Variants in GARIN5B observed in about 807,000 individuals in gnomAD.
GARIN5B encodes the protein golgi associated RAB2 interactor family member 5B, also known as Golgi-associated RAB2 interactor protein 5B.
the GARIN5B span, among the ~76,000 whole-genome samples, chr19:55,361,601 TCCAGG>T: frequency 8.5e-4 from 101 of 119,202 alleles, 2 homozygotes; most frequent in African/African-American, 3.1e-3. Flanking sequence ...GACCCAGGAG[TCCAGG>T]CCCCCAGTCC....
the GARIN5B span, chr19:55,363,165 G>A: frequency 3.3e-5 from 42 of 1,265,142 alleles, no homozygotes; most frequent in African/African-American, 2.2e-4. The surrounding 1 kb of genome is among the most constrained non-coding windows in gnomAD (Gnocchi z 4.0). Context: ...GGGCTTCACG[G>A]GTGCCTGGAG....
At chr19:55,355,450 C>T in the GARIN5B span, 2 of 1,207,138 alleles carry the variant, frequency 1.7e-6, no homozygotes, top group Non-Finnish European at 2.4e-6. Context: ...GAGAGCGTCC[C>T]CCAGGGCGGG....
the GARIN5B span, chr19:55,361,459 G>A: frequency 1.4e-6 from 2 of 1,472,126 alleles, no homozygotes; most frequent in South Asian, 2.8e-5. Context: ...GGAGGCAGGA[G>A]GGGCCCGGGC....
the GARIN5B span, chr19:55,362,760 G>A: frequency 6.6e-7 from 1 of 1,514,000 alleles, no homozygotes; most frequent in Non-Finnish European, 8.9e-7. Context: ...AGGGGGCTGG[G>A]ACCACTCCTT....
chr19:55,359,703 C>T, the GARIN5B span: 1 of 1,551,478 alleles, frequency 6.4e-7, no homozygotes, highest in Non-Finnish European at 8.7e-7. Context: ...TGGTGGGAGC[C>T]CATAGGCCCG....
chr19:55,358,831 G>A, the GARIN5B span: 19 of 1,546,550 alleles, frequency 1.2e-5, no homozygotes, highest in African/African-American at 9.6e-5. Context: ...GGCCCTCGAC[G>A]GCCAGTTCCT....
At chr19:55,357,619 T>G in the GARIN5B span, among the ~76,000 whole-genome samples, 1 of 152,214 alleles carries the variant, frequency 6.6e-6, no homozygotes, top group Admixed American at 6.5e-5. Context: ...TCCTGTGCAC[T>G]GTAGGTTGCT....
the GARIN5B span, among the ~76,000 whole-genome samples, chr19:55,355,862 T>A: frequency 4.6e-5 from 7 of 151,738 alleles, no homozygotes; most frequent in Admixed American, 3.3e-4. Flanking sequence ...GGTGCGTGCC[T>A]GTGGTTCCAG....
chr19:55,359,482 G>C, the GARIN5B span: 3 of 1,547,934 alleles, frequency 1.9e-6, no homozygotes, highest in African/African-American at 4.1e-5. Flanking sequence ...GTACGGCTGG[G>C]GCCTTCTGGG....
the GARIN5B span, chr19:55,361,051 A>G: frequency 1.3e-6 from 2 of 1,551,004 alleles, no homozygotes; most frequent in South Asian, 2.4e-5. Flanking sequence ...CTGCGACCAG[A>G]TGAGGGGCAC....
chr19:55,360,950 G>A, the GARIN5B span: 1 of 1,545,664 alleles, frequency 6.5e-7, no homozygotes, highest in Non-Finnish European at 8.8e-7. Flanking sequence ...CTGGGCTGGG[G>A]TCTCCCACCT....
At chr19:55,359,386 G>A in the GARIN5B span, 39 of 1,549,488 alleles carry the variant, frequency 2.5e-5, no homozygotes, top group South Asian at 6.0e-5. Context: ...GGGCAGGTAC[G>A]GCTGAGGCCT....
chr19:55,358,624 C>A, the GARIN5B span: 2 of 1,551,392 alleles, frequency 1.3e-6, no homozygotes, highest in Non-Finnish European at 1.7e-6. Flanking sequence ...GCTTCCCCTC[C>A]AGTAAGGACA....
At chr19:55,356,247 A>G in the GARIN5B span, among the ~76,000 whole-genome samples, 1 of 151,818 alleles carries the variant, frequency 6.6e-6, no homozygotes, top group Non-Finnish European at 1.5e-5. Context: ...GTGTCACTCT[A>G]TTGCCCAGGC....
At chr19:55,358,469 G>A in the GARIN5B span, 6 of 1,533,590 alleles carry the variant, frequency 3.9e-6, no homozygotes, top group Admixed American at 1.2e-4. Flanking sequence ...GGTGGGCTTG[G>A]AGCGAAAGGG....
At chr19:55,359,727 C>T in the GARIN5B span, 2 of 1,551,228 alleles carry the variant, frequency 1.3e-6, no homozygotes, top group East Asian at 4.9e-5. Flanking sequence ...TTTTCCCTGC[C>T]CCTGGGGATG....
At chr19:55,356,257 C>A in the GARIN5B span, among the ~76,000 whole-genome samples, 2 of 152,198 alleles carry the variant, frequency 1.3e-5, no homozygotes, top group Admixed American at 1.3e-4. Flanking sequence ...ATTGCCCAGG[C>A]TGCAGTGCAG....
At chr19:55,362,378 A>T in the GARIN5B span, 2 of 1,550,454 alleles carry the variant, frequency 1.3e-6, no homozygotes, top group Non-Finnish European at 1.7e-6. Context: ...GTGGAACAGG[A>T]AGCCCACCTC....
chr19:55,355,404 A>G, the GARIN5B span: 22 of 1,527,326 alleles, frequency 1.4e-5, no homozygotes, highest in Non-Finnish European at 2.0e-5. Flanking sequence ...AGAGAGGGGT[A>G]CCCAGGGCTT....
Sources: allele counts gnomAD v4.1 joint callset (sites outside exome capture counted in the v4.1 genomes callset), GRCh38; gene constraint gnomAD v4.1.1; non-coding constraint Gnocchi (gnomAD v3.1); transcripts MANE v1.5; gene names NCBI Gene and HGNC (gene_info 2026-07-23, HGNC 2026-07-21).